Variants in TGFBR3 observed in about 807,000 individuals in gnomAD.
TGFBR3 encodes the protein transforming growth factor beta receptor type 3.
A neutral mutation model predicts 87.9 loss-of-function variants in TGFBR3; 46 were observed. That is an observed-to-expected ratio of 0.52 (90% CI 0.41 to 0.67). The LOEUF (loss-of-function observed/expected upper bound fraction) is 0.67, where lower values mean the gene tolerates loss of function less well. TGFBR3 is among the 30% of genes least tolerant of loss of function. The pLI is 0.00. For synonymous variants in TGFBR3, 381 were observed against 391.6 expected (o/e 0.97, Z 0.32); for missense variants, 866 against 1,041.9 (o/e 0.83, Z 2.32).
At chr1:91,748,345 GT>G (rs1420899494) in intron 4 of TGFBR3, among the ~76,000 whole-genome samples, 2 of 152,156 alleles carry the variant, frequency 1.3e-5, no homozygotes, top group African/African-American at 4.8e-5. Context: ...TCCCCACAGG[GT>G]TCAGGATAGA....
intron 2 of TGFBR3, among the ~76,000 whole-genome samples, chr1:91,836,480 TG>T (rs1483260288): frequency 6.6e-6 from 1 of 152,144 alleles, no homozygotes; most frequent in Non-Finnish European, 1.5e-5. Context: ...GTGGCAGCCG[TG>T]GGATATGCAC....
At chr1:91,737,633 T>A (rs11579207) in intron 4 of TGFBR3, among the ~76,000 whole-genome samples, 1 of 152,030 alleles carries the variant, frequency 6.6e-6, no homozygotes, top group African/African-American at 2.4e-5. Flanking sequence ...CCATGCCTAC[T>A]AGAACAAAGA....
intron 2 of TGFBR3, among the ~76,000 whole-genome samples, chr1:91,843,170 A>AC (rs1188143969): frequency 6.6e-6 from 1 of 152,122 alleles, no homozygotes; most frequent in East Asian, 1.9e-4. Flanking sequence ...CTGAATGTGT[A>AC]CCCCCCTAAA....
chr1:91,764,444 C>A (rs1445627384), intron 3 of TGFBR3, among the ~76,000 whole-genome samples: 2 of 151,128 alleles, frequency 1.3e-5, no homozygotes, highest in African/African-American at 4.9e-5. Flanking sequence ...GGTTGAGGGG[C>A]AAGAGCTCAT....
intron 14 of TGFBR3, among the ~76,000 whole-genome samples, chr1:91,700,947 G>A (rs1671599046): frequency 6.6e-6 from 1 of 152,118 alleles, no homozygotes; most frequent in South Asian, 2.1e-4. Context: ...GCTACAAGAT[G>A]CATCATGTAA....
chr1:91,772,448 A>G (rs1389318773), intron 3 of TGFBR3, among the ~76,000 whole-genome samples: 1 of 152,082 alleles, frequency 6.6e-6, no homozygotes, highest in African/African-American at 2.4e-5. Flanking sequence ...TAAATCTCCT[A>G]GACTTGAGGA....
At chr1:91,772,015 G>T (rs6694607) in intron 3 of TGFBR3, among the ~76,000 whole-genome samples, 7,742 of 152,022 alleles carry the variant, frequency 0.051, 269 homozygotes, top group African/African-American at 0.086. Flanking sequence ...AGCATGAGTG[G>T]GTGTGAAGAA....
chr1:91,780,853 C>T (rs191486737), intron 3 of TGFBR3, among the ~76,000 whole-genome samples: 372 of 151,086 alleles, frequency 2.5e-3, no homozygotes, highest in African/African-American at 8.5e-3. Flanking sequence ...CCACTGCACC[C>T]GGCCTTCCTA....
chr1:91,730,711 T>C (rs1240193847), intron 5 of TGFBR3, among the ~76,000 whole-genome samples: 1 of 152,240 alleles, frequency 6.6e-6, no homozygotes, highest in Non-Finnish European at 1.5e-5. Context: ...CCATGTAGAA[T>C]TAATCTTTCC....
At chr1:91,699,565 G>A (rs1671554352) in intron 14 of TGFBR3, among the ~76,000 whole-genome samples, 1 of 147,020 alleles carries the variant, frequency 6.8e-6, no homozygotes, top group African/African-American at 2.5e-5. Context: ...AAATGTTAAT[G>A]TACTTTTTGC....
rs1257375012 is a variant in TGFBR3, at chr1:91,680,542, A to C, written c.*3197T>G. The C allele has an allele frequency of 2.2e-6, 1 of 453,990 alleles. No homozygotes were observed. Among genetic ancestry groups the C allele is most frequent in the Non-Finnish European group, 4.4e-6 (1 of 226,800 alleles). The allele number at this position is 453,990 out of a possible 1,614,324, so 28.1% of individuals were successfully genotyped here. A position where few individuals can be genotyped will look rare whatever the true frequency, so the allele number is the denominator to read the frequency against. ...TCATAGATGATGAAAACCAGCAACA[A>C]AATCAGGCTCATTCAGGAAAAACCA... On this transcript the variant is annotated 3_prime_UTR_variant, in exon 17 of 17. Coordinates refer to ENST00000212355, the MANE Select transcript of TGFBR3 (RefSeq NM_003243.5).
At chr1:91,753,620 T>G (rs72716403) in intron 4 of TGFBR3, among the ~76,000 whole-genome samples, 22,840 of 152,052 alleles carry the variant, frequency 0.15, 1,845 homozygotes, top group Middle Eastern at 0.24. Context: ...TCCCCTCCCA[T>G]CAGCCCCTGG....
At chr1:91,882,344 C>T (rs1490175252) in intron 1 of TGFBR3, among the ~76,000 whole-genome samples, 1 of 151,614 alleles carries the variant, frequency 6.6e-6, no homozygotes, top group African/African-American at 2.4e-5. Context: ...GCCATGTTGG[C>T]CAGGCTGGTC....
intron 4 of TGFBR3, among the ~76,000 whole-genome samples, chr1:91,738,241 C>A (rs1405056760): frequency 6.6e-6 from 1 of 152,234 alleles, no homozygotes; most frequent in Non-Finnish European, 1.5e-5. Context: ...TATGTGAACA[C>A]TGCATGAAGC....
chr1:91,878,717 T>C (rs1557758988), intron 1 of TGFBR3, among the ~76,000 whole-genome samples: 1 of 152,190 alleles, frequency 6.6e-6, no homozygotes, highest in Non-Finnish European at 1.5e-5. Context: ...TCAACTTAAA[T>C]GTGTTTTTAC....
At chr1:91,875,331 T>C (rs1040452209) in intron 1 of TGFBR3, among the ~76,000 whole-genome samples, 2 of 151,904 alleles carry the variant, frequency 1.3e-5, no homozygotes, top group Non-Finnish European at 2.9e-5. Flanking sequence ...GGTGACACTG[T>C]GGAGGCTGTG....
rs58608714 is a variant in TGFBR3 at position 91,858,610 on chromosome 1, CAAAA to C, written c.61+2857_61+2860del. Among the ~76,000 whole-genome samples, 157 of 78,302 alleles carry C rather than the reference CAAAA, an allele frequency of 2.0e-3. 1 individual carries two copies. In the East Asian group the frequency reaches 0.031, roughly 15 times the overall value. 51.4% of individuals were successfully genotyped at this position (78,302 alleles called of 152,430 possible). A position where few individuals can be genotyped will look rare whatever the true frequency, so the allele number is the denominator to read the frequency against. On this transcript the variant is annotated intron_variant, in intron 2 of 16. Coordinates refer to ENST00000212355, the MANE Select transcript of TGFBR3 (RefSeq NM_003243.5). ...AGCCGGGGCGAGTGAGACTCTGTCTCAAAAAAAAAAAAAAAAAAAAAAACAAAAT... is the reference window on the plus strand; with the variant it reads ...AGCCGGGGCGAGTGAGACTCTGTCTCAAAAAAAAAAAAAAAAAAACAAAAT...
At position 91,703,495 on chromosome 1, in the gene TGFBR3, C is replaced by T. The variant is rs78159358; in HGVS notation, c.2287+5168G>A. Among the ~76,000 whole-genome samples the T allele has an allele frequency of 8.1e-3, 1,237 of 152,276 alleles. 22 individuals carry two copies. The highest frequency in any genetic ancestry group is 0.029 in the African/African-American group (1,202 of 41,530). On this transcript the variant is annotated intron_variant, in intron 14 of 16. Coordinates refer to ENST00000212355, the MANE Select transcript of TGFBR3 (RefSeq NM_003243.5). ...CATTTAACTTGCTAAGAATTAAACA[C>T]ATCTATAGGTATGTAAATCACGGCA...
At chr1:91,759,062 A>G (rs1035094408) in intron 3 of TGFBR3, among the ~76,000 whole-genome samples, 1 of 152,188 alleles carries the variant, frequency 6.6e-6, no homozygotes, top group African/African-American at 2.4e-5. Context: ...GCAAAGGTGG[A>G]ACAAAAGTTA....
Sources: gnomAD v4.1 joint callset for allele counts (sites outside exome capture counted in the v4.1 genomes callset) on GRCh38, gnomAD v4.1.1 for gene constraint, MANE v1.5 for transcripts, NCBI Gene and HGNC (gene_info 2026-07-23, HGNC 2026-07-21) for gene names.